SEC24B: variants seen among roughly 807,000 people sequenced by gnomAD.
SEC24B encodes SEC24 homolog B, COPII component.
A neutral mutation model predicts 142.8 loss-of-function variants in SEC24B; 45 were observed. The ratio of observed to expected loss-of-function variants is 0.32; its 90% CI spans 0.25 to 0.40. The LOEUF is 0.40. Among genes scored for constraint, SEC24B ranks in the 10% least tolerant of loss-of-function variants. SEC24B has a pLI of 1.00. For missense variants in SEC24B, 1,409 were observed against 1,526.8 expected, an observed-to-expected ratio of 0.92 and a Z score of 1.29; for synonymous variants, 574 against 568.2, an observed-to-expected ratio of 1.01 and a Z score of -0.15.
At chr4:109,467,116 G>T (rs1561093970) in intron 2 of SEC24B, among the ~76,000 whole-genome samples, 3 of 151,790 alleles carry the variant, frequency 2.0e-5, no homozygotes, top group African/African-American at 7.3e-5. Context: ...CACGAGGTCA[G>T]GAGATCGAGA....
intron 3 of SEC24B, among the ~76,000 whole-genome samples, chr4:109,481,123 C>G (rs1257164542): frequency 6.6e-6 from 1 of 152,140 alleles, no homozygotes; most frequent in Non-Finnish European, 1.5e-5. Context: ...CCGTCCCCCA[C>G]TCCCAGAGTA....
chr4:109,434,016 C>T lies in SEC24B; in HGVS notation c.133+14C>T, dbSNP rs1348207627. On this transcript the variant is annotated intron_variant, in intron 1 of 23. Transcript: ENST00000265175. ...ACCAGCAGAACGGTGAGGCGGGCGG[C>T]CCGGGCGGAGCGCGGGGCCTAGCAC... is the stretch of plus-strand genomic sequence containing the variant. 3.5e-6 allele frequency: 4 copies of T among 1,132,088 alleles called. No homozygotes were observed. Among genetic ancestry groups the T allele is most frequent in the Non-Finnish European group, 4.3e-6 (4 of 925,456 alleles). The allele number at this position is 1,132,088 out of a possible 1,614,324, so 70.1% of individuals were successfully genotyped here.
intron 1 of SEC24B, among the ~76,000 whole-genome samples, chr4:109,446,919 A>C (rs1298604050): frequency 6.6e-6 from 1 of 152,212 alleles, no homozygotes; most frequent in Non-Finnish European, 1.5e-5. Context: ...GATAGGATAG[A>C]GCTAAGAGCA....
At chr4:109,465,187 G>A (rs186065634) in intron 2 of SEC24B, among the ~76,000 whole-genome samples, 81 of 152,062 alleles carry the variant, frequency 5.3e-4, no homozygotes, top group Middle Eastern at 3.4e-3. Flanking sequence ...TAGTAGAGGC[G>A]AACAAGAAAA....
chr4:109,539,513 T>G lies in SEC24B; in HGVS notation c.3693-48T>G, dbSNP rs1304564368. 3 of 1,141,782 alleles carry G rather than the reference T, an allele frequency of 2.6e-6. No individual in the cohort carries two copies. The African/African-American group carries it at 4.6e-5, about 17-fold the overall frequency. The allele number at this position is 1,141,782 out of a possible 1,614,324, so 70.7% of individuals were successfully genotyped here. On this transcript the variant is annotated intron_variant, in intron 23 of 23. Transcript: ENST00000265175. ...TGAGCTAGATTGCAAAGTGGTGAAA[T>G]CAGGGCTTTTAAATACGTTTAGACA...
chr4:109,491,186 C>G (rs1734982951), intron 4 of SEC24B, 141 bp from the exon 5 acceptor site: 1 of 603,708 alleles, frequency 1.7e-6, no homozygotes, highest in South Asian at 2.1e-5. Context: ...TAAAATGTCT[C>G]TAGACATCAA....
chr4:109,478,535 A>G (rs1733408554), intron 3 of SEC24B, among the ~76,000 whole-genome samples: 1 of 152,188 alleles, frequency 6.6e-6, no homozygotes, highest in South Asian at 2.1e-4. Context: ...CATTTGAAGT[A>G]TTACCCTATT....
chr4:109,480,265 C>G (rs752422968), intron 3 of SEC24B, among the ~76,000 whole-genome samples: 27 of 151,136 alleles, frequency 1.8e-4, no homozygotes, highest in East Asian at 1.9e-4. Context: ...ATCAAGTATG[C>G]TAGTCACCTG....
intron 6 of SEC24B, among the ~76,000 whole-genome samples, chr4:109,501,132 A>AT (rs1192512297): frequency 6.6e-6 from 1 of 152,122 alleles, no homozygotes; most frequent in Non-Finnish European, 1.5e-5. Flanking sequence ...CAAGTGTACC[A>AT]TTTTGTATCT....
intron 7 of SEC24B, among the ~76,000 whole-genome samples, chr4:109,508,737 AGT>A (rs1736991353): frequency 6.6e-6 from 1 of 152,202 alleles, no homozygotes; most frequent in African/African-American, 2.4e-5. Context: ...AGCAGACCTA[AGT>A]AGCTGTGAAA....
intron 4 of SEC24B, among the ~76,000 whole-genome samples, chr4:109,482,979 T>TATATATACACACACAC (rs781527364): frequency 2.3e-4 from 6 of 26,412 alleles, no homozygotes; most frequent in African/African-American, 3.5e-4. Context: ...TATATATATA[T>TATATATACACACACAC]ACACACACAC....
At chr4:109,518,714 A>G (rs868028655) in intron 11 of SEC24B, among the ~76,000 whole-genome samples, 6 of 152,142 alleles carry the variant, frequency 3.9e-5, no homozygotes, top group Admixed American at 1.3e-4. Context: ...GCTTACTTCA[A>G]AAATAGCTTT....
intron 3 of SEC24B, among the ~76,000 whole-genome samples, chr4:109,475,108 A>G (rs1732969052): frequency 6.6e-6 from 1 of 152,226 alleles, no homozygotes; most frequent in Admixed American, 6.5e-5. Flanking sequence ...TTTTGTTGTC[A>G]TTGGCTGTTG....
chr4:109,478,859 A>G (rs1424265219), intron 3 of SEC24B, among the ~76,000 whole-genome samples: 1 of 152,256 alleles, frequency 6.6e-6, no homozygotes, highest in East Asian at 1.9e-4. Flanking sequence ...AGGAATCGAC[A>G]TCTGAAAATT....
At chr4:109,513,715 T>A in intron 9 of SEC24B, 32 bp from the exon 10 acceptor site, 1 of 1,199,336 alleles carries the variant, frequency 8.3e-7, no homozygotes, top group Non-Finnish European at 1.2e-6. Flanking sequence ...ACAAATTGTG[T>A]CTCTAAATTT....
intron 11 of SEC24B, among the ~76,000 whole-genome samples, chr4:109,519,475 CTTT>C (rs1723369125): frequency 6.6e-6 from 1 of 152,188 alleles, no homozygotes; most frequent in Non-Finnish European, 1.5e-5. Context: ...CTGGAAACTT[CTTT>C]GAGAAAGAAG....
At chr4:109,474,623 C>G (rs535556439) in intron 3 of SEC24B, among the ~76,000 whole-genome samples, 1 of 152,158 alleles carries the variant, frequency 6.6e-6, no homozygotes, top group South Asian at 2.1e-4. Flanking sequence ...TGGGGTTTTA[C>G]CATGTTGACC....
chr4:109,532,038 G>A (rs1460908272), intron 20 of SEC24B, among the ~76,000 whole-genome samples: 2 of 151,980 alleles, frequency 1.3e-5, no homozygotes, highest in African/African-American at 4.8e-5. Context: ...TGTACTTTTA[G>A]TAGAGACAGA....
intron 6 of SEC24B, among the ~76,000 whole-genome samples, chr4:109,498,539 T>C (rs1735772782): frequency 6.6e-6 from 1 of 152,104 alleles, no homozygotes; most frequent in Admixed American, 6.5e-5. Flanking sequence ...TAATTTTTTG[T>C]ATTTTTAGTA....
Sources: gnomAD v4.1 joint callset for allele counts (sites outside exome capture counted in the v4.1 genomes callset) on GRCh38, gnomAD v4.1.1 for gene constraint, MANE v1.5 for transcripts, NCBI Gene and HGNC (gene_info 2026-07-23, HGNC 2026-07-21) for gene names.